The following GABRB2 variants were observed in gnomAD, a reference collection of about 807,000 sequenced individuals.
The protein encoded by GABRB2 is gamma-aminobutyric acid type A receptor subunit beta2.
A neutral mutation model predicts 54.7 loss-of-function variants in GABRB2; 16 were observed. The ratio of observed to expected loss-of-function variants is 0.29; its 90% CI spans 0.20 to 0.44. The LOEUF (loss-of-function observed/expected upper bound fraction) is 0.44. Ranked by LOEUF, GABRB2 falls within the 20% of genes least tolerant of loss-of-function variation. GABRB2 has a pLI of 1.00. For missense variants in GABRB2, 355 were observed against 644.0 expected (o/e 0.55, Z 4.86); for synonymous variants, 244 against 233.8 (o/e 1.04, Z -0.40).
chr5:161,548,287 GAA>G (rs1761052181), upstream of GABRB2: 1 of 152,346 alleles, frequency 6.6e-6, no homozygotes, highest in South Asian at 2.1e-4. Flanking sequence ...CCGCTCCAGG[GAA>G]AGAGAGGAGC....
chr5:161,456,040 A>G (rs1757944633), intron 4 of GABRB2, among the ~76,000 whole-genome samples: 1 of 152,182 alleles, frequency 6.6e-6, no homozygotes, highest in Non-Finnish European at 1.5e-5. Flanking sequence ...AACCTACCCC[A>G]CCAATCTTTG....
Position 161,436,606 on chromosome 5 carries a change from G to A in GABRB2, c.458+23018C>T, listed in dbSNP as rs532413888. 2.0e-5 allele frequency among the ~76,000 whole-genome samples: 3 copies of A among 151,636 alleles called. No homozygotes were observed. The South Asian group carries it at 6.3e-4, about 32-fold the overall frequency. On this transcript the variant is annotated intron_variant, in intron 4 of 9. Transcript: ENST00000393959. Reference sequence around the variant, plus strand: ...AGATGGCAGAATAGAGAGCTCCACTGATTGCTCCCCTCACAAGGACACCAA... The same window carrying A: ...AGATGGCAGAATAGAGAGCTCCACTAATTGCTCCCCTCACAAGGACACCAA...
chr5:161,296,975 T>C (rs1375728225), intron 9 of GABRB2, among the ~76,000 whole-genome samples: 1 of 152,236 alleles, frequency 6.6e-6, no homozygotes, highest in Non-Finnish European at 1.5e-5. Context: ...GCAAAGTTGA[T>C]TATTATGACA....
intron 4 of GABRB2, among the ~76,000 whole-genome samples, chr5:161,424,212 A>AC: frequency 6.6e-6 from 1 of 152,314 alleles, no homozygotes; most frequent in South Asian, 2.1e-4. Context: ...TAGCTAAGGT[A>AC]ATCAATGAAG....
intron 5 of GABRB2, among the ~76,000 whole-genome samples, chr5:161,363,242 G>A (rs1003809976): frequency 6.6e-6 from 1 of 152,118 alleles, no homozygotes; most frequent in Non-Finnish European, 1.5e-5. Context: ...CATGGATGAA[G>A]CTGGAAACCA....
chr5:161,432,653 G>A (rs1227832285), intron 4 of GABRB2, among the ~76,000 whole-genome samples: 6 of 152,032 alleles, frequency 3.9e-5, no homozygotes, highest in Non-Finnish European at 8.8e-5. Flanking sequence ...TGAAACATAT[G>A]TCTGGAAAAG....
intron 5 of GABRB2, among the ~76,000 whole-genome samples, chr5:161,410,294 A>G (rs963244415): frequency 7.9e-5 from 12 of 152,144 alleles, no homozygotes; most frequent in African/African-American, 2.7e-4. Flanking sequence ...AGCCCACCCA[A>G]TAGGGCAGCT....
At chr5:161,504,544 C>A (rs942101470) in intron 3 of GABRB2, among the ~76,000 whole-genome samples, 1 of 151,474 alleles carries the variant, frequency 6.6e-6, no homozygotes, top group Non-Finnish European at 1.5e-5. Context: ...TGAAGCACAG[C>A]CAAAAAACTG....
intron 3 of GABRB2, among the ~76,000 whole-genome samples, chr5:161,462,003 C>A (rs945464048): frequency 1.3e-5 from 2 of 151,954 alleles, no homozygotes; most frequent in Admixed American, 6.6e-5. Context: ...GCTCTAACAC[C>A]GAACAGTTTT....
chr5:161,532,963 A>G (rs985022116), intron 3 of GABRB2, among the ~76,000 whole-genome samples: 1 of 152,128 alleles, frequency 6.6e-6, no homozygotes, highest in African/African-American at 2.4e-5. Flanking sequence ...TGGCTTATTC[A>G]TGTATTGCTT....
chr5:161,451,644 T>A (rs909016666), intron 4 of GABRB2, among the ~76,000 whole-genome samples: 1 of 152,146 alleles, frequency 6.6e-6, no homozygotes, highest in African/African-American at 2.4e-5. Context: ...ATAAGCCATA[T>A]CCTATATTAG....
At chr5:161,409,871 C>A (rs2113110534) in intron 5 of GABRB2, among the ~76,000 whole-genome samples, 1 of 152,182 alleles carries the variant, frequency 6.6e-6, no homozygotes, top group African/African-American at 2.4e-5. Context: ...TTCTATAAGG[C>A]AAAAACATAA....
intron 7 of GABRB2, 100 bp downstream of exon 7, chr5:161,334,652 G>A (rs140436591): frequency 1.6e-4 from 198 of 1,228,986 alleles, no homozygotes; most frequent in Middle Eastern, 7.3e-4. Context: ...GTTCAGTTGC[G>A]TCATGCACCA....
intron 5 of GABRB2, among the ~76,000 whole-genome samples, chr5:161,399,063 T>C (rs1484057888): frequency 6.6e-6 from 1 of 152,096 alleles, no homozygotes; most frequent in Admixed American, 6.6e-5. Flanking sequence ...GTGGGTTCTG[T>C]CTCATAAAGT....
Position 161,427,422 on chromosome 5 carries a change from C to T in GABRB2, c.459-16365G>A, listed in dbSNP as rs1757033860. Among the ~76,000 whole-genome samples the T allele has an allele frequency of 2.0e-5, 3 of 152,016 alleles. No individual in the cohort carries two copies. In the South Asian group the frequency reaches 6.2e-4, roughly 32 times the overall value. Reference sequence around the variant, plus strand: ...CTCTACTGAGTAGATGGTAGATTTTCCTTTCTGGAGATGATGGGTAAAGAA... The same window carrying T: ...CTCTACTGAGTAGATGGTAGATTTTTCTTTCTGGAGATGATGGGTAAAGAA... On this transcript the variant is annotated intron_variant, in intron 4 of 9. Transcript: ENST00000393959.
chr5:161,414,440 T>G lies in GABRB2; in HGVS notation c.459-3383A>C, dbSNP rs1396910350. ...TTTTACTAGAAGTTATTTGGCAGTA[T>G]GAGTACATGTTTATATACATAAAGA... On this transcript the variant is annotated intron_variant, in intron 4 of 9. Transcript: ENST00000393959. 2.0e-5 allele frequency among the ~76,000 whole-genome samples: 3 copies of G among 152,206 alleles called. No homozygotes were observed. In the East Asian group the frequency reaches 5.8e-4, roughly 29 times the overall value.
At chr5:161,473,370 G>A (rs1279398886) in intron 3 of GABRB2, among the ~76,000 whole-genome samples, 1 of 151,954 alleles carries the variant, frequency 6.6e-6, no homozygotes, top group Non-Finnish European at 1.5e-5. Context: ...GATCCAAGAT[G>A]CGGAAAAAGT....
intron 3 of GABRB2, among the ~76,000 whole-genome samples, chr5:161,500,658 A>T (rs1405578345): frequency 2.6e-5 from 4 of 152,170 alleles, no homozygotes; most frequent in Non-Finnish European, 5.9e-5. Flanking sequence ...TATGTAAAAT[A>T]TTTTTTCTTT....
At chr5:161,512,778 C>A (rs1759817374) in intron 3 of GABRB2, among the ~76,000 whole-genome samples, 1 of 151,884 alleles carries the variant, frequency 6.6e-6, no homozygotes. Flanking sequence ...AACACATGAC[C>A]TACAGACTGG....
Sources: gnomAD v4.1 joint callset for allele counts (sites outside exome capture counted in the v4.1 genomes callset) on GRCh38, gnomAD v4.1.1 for gene constraint, MANE v1.5 for transcripts, NCBI Gene and HGNC (gene_info 2026-07-23, HGNC 2026-07-21) for gene names.